The following MYH13 variants were observed in gnomAD, a reference collection of about 807,000 sequenced individuals.
MYH13 encodes myosin-13.
Under a neutral mutation model 232.1 loss-of-function variants are expected in MYH13, and 177 were observed. That is an observed-to-expected ratio of 0.76 (90% CI 0.67 to 0.86). MYH13 has a LOEUF of 0.86. Ranked by LOEUF, MYH13 falls within the 40% of genes least tolerant of loss-of-function variation. The probability of loss-of-function intolerance (pLI) is 0.00; values close to 1 mark genes in which losing one functional copy is unlikely to be tolerated. For missense variants in MYH13, 2,246 were observed against 2,405.9 expected, an observed-to-expected ratio of 0.93 and a Z score of 1.39; for synonymous variants, 884 against 923.5, an observed-to-expected ratio of 0.96 and a Z score of 0.78.
At chr17:10,320,072 T>A in intron 26 of MYH13, 81 bp downstream of exon 26, 1 of 1,060,824 alleles carries the variant, frequency 9.4e-7, no homozygotes, top group Non-Finnish European at 1.4e-6. Flanking sequence ...AAGAAGCAGC[T>A]AAAGAAACAA....
At chr17:10,333,993 C>T (rs1907502574) in intron 18 of MYH13, among the ~76,000 whole-genome samples, 1 of 151,960 alleles carries the variant, frequency 6.6e-6, no homozygotes, top group Admixed American at 6.6e-5. Context: ...CCACTCAGCC[C>T]CTGCTATAGG....
At chr17:10,351,547 G>A (rs2071710922) in intron 11 of MYH13, among the ~76,000 whole-genome samples, 1 of 152,164 alleles carries the variant, frequency 6.6e-6, no homozygotes, top group African/African-American at 2.4e-5. Flanking sequence ...CATTGGGTAG[G>A]CATCATCTGT....
intron 39 of MYH13, among the ~76,000 whole-genome samples, chr17:10,302,194 C>T (rs565786758): frequency 1.3e-5 from 2 of 152,264 alleles, no homozygotes; most frequent in East Asian, 3.9e-4. Context: ...CTGTACTCAT[C>T]CCATGTGCGT....
intron 2 of MYH13, among the ~76,000 whole-genome samples, chr17:10,370,939 A>G (rs963977444): frequency 7.9e-5 from 12 of 152,210 alleles, no homozygotes; most frequent in African/African-American, 2.9e-4. Context: ...TTCTGTGCCA[A>G]CTAAGTACTG....
chr17:10,314,391 G>T (rs1387328975), intron 29 of MYH13, among the ~76,000 whole-genome samples: 3 of 151,424 alleles, frequency 2.0e-5, no homozygotes, highest in Non-Finnish European at 4.4e-5. Context: ...CTCCAGCCTG[G>T]GCAACAAGAG....
Position 10,307,165 on chromosome 17 carries a change from C to T in MYH13, c.5170-101G>A, listed in dbSNP as rs567121803. ...GAGGGAAGTAAATTGTGATCCTGTT[C>T]CATTTCTTATTTTTCACATGGGTGA... On this transcript the variant is annotated intron_variant, in intron 35 of 40. Coordinates refer to ENST00000252172, the MANE Select transcript of MYH13 (RefSeq NM_003802.3). The T allele has an allele frequency of 5.9e-5, 86 of 1,447,274 alleles. No homozygotes were observed. In the African/African-American group the frequency reaches 1.2e-3, roughly 20 times the overall value. 89.7% of individuals were successfully genotyped at this position (1,447,274 alleles called of 1,614,324 possible). A position where few individuals can be genotyped will look rare whatever the true frequency, so the allele number is the denominator to read the frequency against.
chr17:10,368,585 C>T (rs1016086525), intron 2 of MYH13, among the ~76,000 whole-genome samples: 3 of 152,200 alleles, frequency 2.0e-5, no homozygotes, highest in African/African-American at 7.2e-5. Context: ...ATTACTAATA[C>T]AGTTTGGTGC....
chr17:10,323,512 CT>C (rs1176220172), intron 23 of MYH13, among the ~76,000 whole-genome samples: 1 of 152,002 alleles, frequency 6.6e-6, no homozygotes, highest in Non-Finnish European at 1.5e-5. Context: ...AATCCAAGCA[CT>C]TTGAGAGGCC....
chr17:10,303,353 G>C (rs554038619), intron 38 of MYH13, 41 bp downstream of exon 38: 1 of 1,611,366 alleles, frequency 6.2e-7, no homozygotes, highest in African/African-American at 1.3e-5. Context: ...ATGGGGCTTG[G>C]TCCATACAGC....
chr17:10,304,195 A>T lies in MYH13; in HGVS notation c.5467-697T>A, dbSNP rs1906199727. Reference sequence around the variant, plus strand: ...GATGGGTTGATGGGTGCAGCAAACCAACATAGCACGTTTATACCTATGTAA... The same window carrying T: ...GATGGGTTGATGGGTGCAGCAAACCTACATAGCACGTTTATACCTATGTAA... On this transcript the variant is annotated intron_variant, in intron 37 of 40. Coordinates refer to ENST00000252172, the MANE Select transcript of MYH13 (RefSeq NM_003802.3). This position sits in a 1 kb window ranked among gnomAD's most constrained non-coding sequence, Gnocchi z 5.3. Among the ~76,000 whole-genome samples the T allele has an allele frequency of 6.6e-6, 1 of 152,206 alleles. No homozygotes were observed. The highest frequency in any genetic ancestry group is 1.5e-5 in the Non-Finnish European group (1 of 68,044).
rs1245213608 is a variant in MYH13, at chr17:10,350,650, C to G, written c.1050G>C (p.Gly350=). 1 of 1,613,692 alleles carries G rather than the reference C, an allele frequency of 6.2e-7. No individual in the cohort carries two copies. Among genetic ancestry groups the G allele is most frequent in the Non-Finnish European group, 8.5e-7 (1 of 1,179,992 alleles). Residue 350 remains glycine (G), a synonymous_variant, in exon 12 of 41, where the codon GGG becomes GGC. Transcript: ENST00000252172. ...ILGFSSEEKV[G]IYKLTGAVMH... Reference sequence around the variant, plus strand: ...TCACGGCTCCCGTCAGTTTGTAGATCCCGACTTTCTCCTCTGAGCTGAAGC... The same window carrying G: ...TCACGGCTCCCGTCAGTTTGTAGATGCCGACTTTCTCCTCTGAGCTGAAGC...
At position 10,342,353 on chromosome 17, in the gene MYH13, C is replaced by T. The variant is rs545804686; in HGVS notation, c.1894+1447G>A. 3.3e-5 allele frequency among the ~76,000 whole-genome samples: 5 copies of T among 152,252 alleles called. No homozygotes were observed. The East Asian group carries it at 9.6e-4, about 29-fold the overall frequency. On this transcript the variant is annotated intron_variant, in intron 16 of 40. Coordinates refer to ENST00000252172, the MANE Select transcript of MYH13 (RefSeq NM_003802.3). ...GGATTACAGGTGTAAGCCACCACGC[C>T]TGGCCCCTGTGTAACCACTCTGGAA...
chr17:10,315,155 G>A (rs920246037), intron 29 of MYH13, among the ~76,000 whole-genome samples: 3 of 152,178 alleles, frequency 2.0e-5, no homozygotes, highest in African/African-American at 4.8e-5. Context: ...ACCACCCTGC[G>A]GGGGACAGAG....
At chr17:10,356,396 G>C (rs140523631) in intron 8 of MYH13, among the ~76,000 whole-genome samples, 1 of 152,232 alleles carries the variant, frequency 6.6e-6, no homozygotes. Context: ...GCTAAGAGTA[G>C]AGGCCCATGA....
chr17:10,334,878 CAAATAAAT>C lies in MYH13; in HGVS notation c.2057-1695_2057-1688del, dbSNP rs537407226. 1.3e-4 allele frequency among the ~76,000 whole-genome samples: 19 copies of C among 151,736 alleles called. 1 individual carries two copies. The South Asian group carries it at 3.6e-3, about 28-fold the overall frequency. ...TGGGTGACAGAGCAAGACTCAGTCT[CAAATAAAT>C]AAATAAATAAATAAATACAATAATT... is the stretch of plus-strand genomic sequence containing the variant. On this transcript the variant is annotated intron_variant, in intron 18 of 40. Coordinates refer to ENST00000252172, the MANE Select transcript of MYH13 (RefSeq NM_003802.3).
intron 12 of MYH13, among the ~76,000 whole-genome samples, chr17:10,349,048 C>G (rs2071689354): frequency 1.3e-5 from 2 of 150,466 alleles, no homozygotes; most frequent in African/African-American, 4.9e-5. Flanking sequence ...CCCTTCCCTT[C>G]CCTTCCCTTC....
Position 10,312,676 on chromosome 17 carries a change from G to A in MYH13, c.4263C>T (p.Thr1421=). ...ANSKCASLEK[T]KQRLQGEVED... is the part of the protein sequence containing the mutation. The stretch of plus-strand genomic sequence containing the variant: ...CCACCTCTCCCTGCAGCCTCTGCTT[G>A]GTTTTCTCCAACGATGCGCACTTGG... The change falls in exon 31 of 41, where the codon ACC becomes ACT. Residue 1421 remains threonine (T), a synonymous_variant. Coordinates refer to ENST00000252172, the MANE Select transcript of MYH13 (RefSeq NM_003802.3). The A allele has an allele frequency of 6.2e-7, 1 of 1,613,424 alleles. No homozygotes were observed. Among genetic ancestry groups the A allele is most frequent in the Middle Eastern group, 1.6e-4 (1 of 6,062 alleles).
At chr17:10,342,805 A>G (rs1236245911) in intron 16 of MYH13, among the ~76,000 whole-genome samples, 5 of 152,134 alleles carry the variant, frequency 3.3e-5, no homozygotes, top group African/African-American at 1.2e-4. Context: ...AAATCTGCTC[A>G]TGGGGACAGG....
At chr17:10,323,787 A>AGAAGAAGAAG (rs1305383879) in intron 23 of MYH13, among the ~76,000 whole-genome samples, 13 of 66,738 alleles carry the variant, frequency 1.9e-4, no homozygotes, top group African/African-American at 7.5e-4. Context: ...AAAAAAAAAA[A>AGAAGAAGAAG]AAGAAGAAGA....
Sources: gnomAD v4.1 joint callset for allele counts (sites outside exome capture counted in the v4.1 genomes callset) on GRCh38, gnomAD v4.1.1 for gene constraint, Gnocchi (gnomAD v3.1) non-coding constraint, MANE v1.5 for transcripts, NCBI Gene and HGNC (gene_info 2026-07-23, HGNC 2026-07-21) for gene names.